ZCCHC7: variants seen among roughly 807,000 people sequenced by gnomAD.
ZCCHC7 encodes zinc finger CCHC-type containing 7.
ZCCHC7 carries 35 observed loss-of-function variants against 52.0 expected under a neutral mutation model. That is an observed-to-expected ratio of 0.67 (90% CI 0.51 to 0.89). The LOEUF (loss-of-function observed/expected upper bound fraction) is 0.89, where lower values mean the gene tolerates loss of function less well. Ranked by LOEUF, ZCCHC7 falls within the 40% of genes least tolerant of loss-of-function variation. The pLI is 0.00. For synonymous variants in ZCCHC7, 217 were observed against 221.5 expected (o/e 0.98, Z 0.18); for missense variants, 574 against 649.1 (o/e 0.88, Z 1.26).
At chr9:37,128,994 C>T (rs1269176337) in intron 2 of ZCCHC7, among the ~76,000 whole-genome samples, 2 of 152,192 alleles carry the variant, frequency 1.3e-5, no homozygotes, top group South Asian at 2.1e-4. Flanking sequence ...ATCAAATTGT[C>T]ATCTCCTTAA....
At chr9:37,272,629 C>T (rs1030291635) in intron 2 of ZCCHC7, among the ~76,000 whole-genome samples, 1 of 151,762 alleles carries the variant, frequency 6.6e-6, no homozygotes, top group Non-Finnish European at 1.5e-5. Flanking sequence ...TTATGGAAAT[C>T]AATCACTTCT....
chr9:37,235,330 C>T (rs1172161974), intron 2 of ZCCHC7, among the ~76,000 whole-genome samples: 3 of 151,988 alleles, frequency 2.0e-5, no homozygotes, highest in East Asian at 1.9e-4. Flanking sequence ...TTTTAAACTC[C>T]GTATATGGGA....
Position 37,300,520 on chromosome 9 carries a change from A to G in ZCCHC7, c.611-1668A>G, listed in dbSNP as rs567128888. On this transcript the variant is annotated intron_variant, in intron 2 of 8. Coordinates refer to ENST00000336755, the MANE Select transcript of ZCCHC7 (RefSeq NM_032226.3). ...CAAAGAAAATAATCATCAGCACAGC[A>G]TCTCTGCATACCTGTGGATTGGTCT... Among the ~76,000 whole-genome samples the G allele has an allele frequency of 3.9e-5, 6 of 152,372 alleles. No homozygotes were observed. In the East Asian group the frequency reaches 9.6e-4, roughly 24 times the overall value.
intron 5 of ZCCHC7, among the ~76,000 whole-genome samples, chr9:37,308,980 CA>C (rs56871245): frequency 0.024 from 2,589 of 107,206 alleles, 28 homozygotes; most frequent in African/African-American, 0.04. Context: ...AGTCTGTATC[CA>C]AAAAAAAAAA....
chr9:37,236,957 C>T (rs958771779), intron 2 of ZCCHC7, among the ~76,000 whole-genome samples: 1 of 152,166 alleles, frequency 6.6e-6, no homozygotes, highest in Admixed American at 6.5e-5. Flanking sequence ...TGAACTTCTT[C>T]AAGAGGGGTG....
intron 2 of ZCCHC7, among the ~76,000 whole-genome samples, chr9:37,196,557 T>G (rs1362424008): frequency 6.6e-6 from 1 of 152,206 alleles, no homozygotes; most frequent in African/African-American, 2.4e-5. Flanking sequence ...TTATAGAGAT[T>G]ATTTTGTTTG....
chr9:37,307,005 C>T (rs1023876434), intron 5 of ZCCHC7, among the ~76,000 whole-genome samples: 4 of 151,304 alleles, frequency 2.6e-5, no homozygotes, highest in African/African-American at 4.9e-5. Context: ...AAGCTGGTCT[C>T]GAACTCCTGA....
At chr9:37,294,415 T>A in intron 2 of ZCCHC7, among the ~76,000 whole-genome samples, 1 of 152,228 alleles carries the variant, frequency 6.6e-6, no homozygotes, top group East Asian at 1.9e-4. Flanking sequence ...TGGTCTTTAA[T>A]CCATAAACAC....
intron 5 of ZCCHC7, among the ~76,000 whole-genome samples, chr9:37,311,458 CCCAGGGTGCAGAGGTGTGAT>C (rs367947052): frequency 0.051 from 7,724 of 152,224 alleles, 646 homozygotes; most frequent in African/African-American, 0.17. Flanking sequence ...CACTCTGCCG[CCCAGGGTGCAGAGGTGTGAT>C]CTCGGCTCAC....
chr9:37,277,009 G>A (rs1277102299), intron 2 of ZCCHC7, among the ~76,000 whole-genome samples: 1 of 152,138 alleles, frequency 6.6e-6, no homozygotes, highest in Non-Finnish European at 1.5e-5. Flanking sequence ...GGAACATTTA[G>A]TGCCTATTGA....
intron 2 of ZCCHC7, among the ~76,000 whole-genome samples, chr9:37,145,882 T>C (rs951750950): frequency 6.6e-6 from 1 of 151,940 alleles, no homozygotes; most frequent in African/African-American, 2.4e-5. Flanking sequence ...AACCCAAAAT[T>C]AAAATAGGAA....
chr9:37,151,484 T>G (rs534080177), intron 2 of ZCCHC7, among the ~76,000 whole-genome samples: 12 of 152,298 alleles, frequency 7.9e-5, no homozygotes, highest in African/African-American at 2.2e-4. Flanking sequence ...AATTATAAAA[T>G]CATCTTCATA....
chr9:37,339,273 A>G (rs561615070), intron 6 of ZCCHC7, among the ~76,000 whole-genome samples: 100 of 152,328 alleles, frequency 6.6e-4, no homozygotes, highest in African/African-American at 1.9e-3. Flanking sequence ...AATACTGTCA[A>G]TATTTGCCAG....
At chr9:37,124,927 C>G (rs1029132267) in intron 1 of ZCCHC7, among the ~76,000 whole-genome samples, 3 of 152,192 alleles carry the variant, frequency 2.0e-5, no homozygotes, top group Non-Finnish European at 4.4e-5. Flanking sequence ...TCTCGACTCA[C>G]TGCAGCCTGT....
intron 2 of ZCCHC7, among the ~76,000 whole-genome samples, chr9:37,281,496 C>T (rs1827957645): frequency 1.3e-5 from 2 of 152,104 alleles, no homozygotes; most frequent in Admixed American, 6.5e-5. Flanking sequence ...TATGAGTCTC[C>T]ACTTCGTATA....
intron 2 of ZCCHC7, among the ~76,000 whole-genome samples, chr9:37,299,714 T>C (rs1435982876): frequency 6.6e-6 from 1 of 152,226 alleles, no homozygotes; most frequent in Non-Finnish European, 1.5e-5. Flanking sequence ...GCCTTATGTG[T>C]TCCTGGTGAT....
chr9:37,349,709 A>G (rs1338818710), intron 7 of ZCCHC7, among the ~76,000 whole-genome samples: 1 of 152,212 alleles, frequency 6.6e-6, no homozygotes, highest in Non-Finnish European at 1.5e-5. Flanking sequence ...TCAAACAAAT[A>G]TAATAGTCAA....
intron 5 of ZCCHC7, among the ~76,000 whole-genome samples, chr9:37,308,025 A>T (rs1229989913): frequency 6.6e-6 from 1 of 152,182 alleles, no homozygotes; most frequent in Admixed American, 6.5e-5. Flanking sequence ...GCACTCATCA[A>T]CATTAAGTAT....
At position 37,259,322 on chromosome 9, in the gene ZCCHC7, AAAT is replaced by A. The variant is rs1188454417; in HGVS notation, c.611-42863_611-42861del. 7.2e-5 allele frequency among the ~76,000 whole-genome samples: 11 copies of A among 152,256 alleles called. No homozygotes were observed. In the South Asian group the frequency reaches 1.7e-3, roughly 23 times the overall value. ...GTATCATGCTTTTATAAAAGATAGT[AAAT>A]AAATAATACCTTATCACTGTGAAAT... On this transcript the variant is annotated intron_variant, in intron 2 of 8. Transcript: ENST00000336755.
Sources: allele counts gnomAD v4.1 joint callset (sites outside exome capture counted in the v4.1 genomes callset), GRCh38; gene constraint gnomAD v4.1.1; transcripts MANE v1.5; gene names NCBI Gene and HGNC (gene_info 2026-07-23, HGNC 2026-07-21).